The following CHEK1 variants were observed in gnomAD, a reference collection of about 807,000 sequenced individuals.
CHEK1 encodes serine/threonine-protein kinase Chk1.
In CHEK1, 32 loss-of-function variants were observed where a neutral mutation model predicts 60.2. The ratio of observed to expected loss-of-function variants is 0.53; its 90% confidence interval spans 0.40 to 0.71. The LOEUF (loss-of-function observed/expected upper bound fraction) is 0.71. Ranked by LOEUF, CHEK1 falls within the 30% of genes least tolerant of loss-of-function variation. CHEK1 has a pLI of 0.00. For missense variants in CHEK1, 399 were observed against 564.6 expected, an observed-to-expected ratio of 0.71 and a Z score of 2.97; for synonymous variants, 179 against 187.2, an observed-to-expected ratio of 0.96 and a Z score of 0.36.
In CHEK1 at chr11:125,633,208, A is replaced by G; in HGVS notation, c.470A>G (p.Tyr157Cys). 6.2e-7 allele frequency: 1 copy of G among 1,602,884 alleles called. No homozygotes were observed. Among genetic ancestry groups the G allele is most frequent in the South Asian group, 1.1e-5 (1 of 88,048 alleles). The change falls in exon 6 of 13, where the codon TAT (tyrosine) becomes TGT (cysteine). Residue 157 changes from tyrosine (Y) to cysteine (C), a missense_variant. Physicochemically the swap from Tyr to Cys is radical, Grantham distance 194 (BLOSUM62 -2). Around this residue, in one of 2 missense-constraint regions of CHEK1, gnomAD observed 370 missense variants for 494.8 expected, o/e 0.75. Coordinates refer to ENST00000438015, the MANE Select transcript of CHEK1 (RefSeq NM_001114122.3). ...SDFGLATVFR[Y>C]NNRERLLNKM... is the part of the protein sequence containing the mutation. ...TTTGGCTTGGCAACAGTATTTCGGT[A>G]TAATAATCGTGAGCGTTTGTTGAAC...
chr11:125,636,900 C>T (rs1941092632), intron 7 of CHEK1, among the ~76,000 whole-genome samples: 1 of 151,970 alleles, frequency 6.6e-6, no homozygotes, highest in Admixed American at 6.5e-5. Context: ...TAAAAGTTCC[C>T]TATGTTTTCA....
At chr11:125,677,821 C>A, downstream of CHEK1, 2 of 1,614,188 alleles carry the variant, frequency 1.2e-6, no homozygotes. Context: ...GAAATTGGTG[C>A]ACCTGAAGCC....
chr11:125,671,405 G>A (rs1942199989), intron 13 of CHEK1: 1 of 152,066 alleles, frequency 6.6e-6, no homozygotes, highest in South Asian at 2.1e-4. Flanking sequence ...TTATCTAGGG[G>A]TATGAGTATA....
At chr11:125,677,658 A>G, downstream of CHEK1, 2 of 1,188,100 alleles carry the variant, frequency 1.7e-6, no homozygotes, top group Non-Finnish European at 2.4e-6. Context: ...GACGAGAACT[A>G]GAGAGACTTT....
chr11:125,651,067 A>G (rs1415755038), intron 11 of CHEK1, among the ~76,000 whole-genome samples: 1 of 151,962 alleles, frequency 6.6e-6, no homozygotes, highest in African/African-American at 2.4e-5. Flanking sequence ...ATTCCCAGGT[A>G]TATGTTGGAC....
downstream of CHEK1, chr11:125,678,427 G>T (rs1005055100): frequency 4.7e-6 from 5 of 1,074,288 alleles, no homozygotes; most frequent in Non-Finnish European, 6.6e-6. Flanking sequence ...GGCACCTGAA[G>T]ACTGCAGATG....
downstream of CHEK1, among the ~76,000 whole-genome samples, chr11:125,679,188 G>A (rs1288634451): frequency 7.0e-6 from 1 of 143,660 alleles, no homozygotes; most frequent in Non-Finnish European, 1.5e-5. Context: ...TTTCTGGCCA[G>A]TCTCTTCTAC....
intron 8 of CHEK1, among the ~76,000 whole-genome samples, chr11:125,640,930 T>C (rs1270580772): frequency 6.6e-6 from 1 of 152,084 alleles, no homozygotes; most frequent in African/African-American, 2.4e-5. Context: ...TGCCCTGCCA[T>C]AGGTTTTAAA....
At position 125,626,714 on chromosome 11, in the gene CHEK1, ACT is replaced by A. The variant is rs778209583; in HGVS notation, c.-20-32_-20-31del. The stretch of plus-strand genomic sequence containing the variant: ...TCAGTGGCTTCACTGGTGATCTTAC[ACT>A]CTACATCTTTTCTGGATTCCTGCCT... On this transcript the variant is annotated intron_variant, in intron 1 of 12. Coordinates refer to ENST00000438015, the MANE Select transcript of CHEK1 (RefSeq NM_001114122.3). 16 of 1,601,140 alleles carry A rather than the reference ACT, an allele frequency of 1.0e-5. 1 individual carries two copies. The South Asian group carries it at 1.5e-4, about 15-fold the overall frequency.
downstream of CHEK1, among the ~76,000 whole-genome samples, chr11:125,660,635 G>A (rs1181466044): frequency 6.6e-6 from 1 of 151,740 alleles, no homozygotes; most frequent in African/African-American, 2.4e-5. Context: ...TTATTTAGAA[G>A]TAACTTCTTT....
At chr11:125,658,940 C>G (rs908569751), downstream of CHEK1, among the ~76,000 whole-genome samples, 1 of 152,098 alleles carries the variant, frequency 6.6e-6, no homozygotes, top group African/African-American at 2.4e-5. Context: ...CCTGCCTTGG[C>G]CTCCCAGAGT....
At chr11:125,648,846 C>T (rs1379986646) in intron 11 of CHEK1, among the ~76,000 whole-genome samples, 2 of 151,938 alleles carry the variant, frequency 1.3e-5, no homozygotes, top group Non-Finnish European at 2.9e-5. Context: ...CAAATGTTTT[C>T]TCCGTCTATT....
At chr11:125,681,069 A>C (rs956425516), downstream of CHEK1, 1 of 211,808 alleles carries the variant, frequency 4.7e-6, no homozygotes, top group African/African-American at 2.3e-5. This position sits in a 1 kb window ranked among gnomAD's most constrained non-coding sequence, Gnocchi z 4.2. Flanking sequence ...TCTTTAAAAA[A>C]AAAAAAAAAG....
chr11:125,666,986 G>GTT (rs34905634), intron 13 of CHEK1, among the ~76,000 whole-genome samples: 155 of 141,960 alleles, frequency 1.1e-3, no homozygotes, highest in Middle Eastern at 3.8e-3. Context: ...GTTTTTCGGT[G>GTT]TTTTTTTTTT....
chr11:125,647,635 A>C (rs995049414), intron 11 of CHEK1, among the ~76,000 whole-genome samples: 4 of 152,158 alleles, frequency 2.6e-5, no homozygotes, highest in African/African-American at 9.7e-5. Flanking sequence ...TCTTTATTCA[A>C]GGTGCTTGGG....
intron 11 of CHEK1, among the ~76,000 whole-genome samples, chr11:125,650,614 G>A (rs1201611062): frequency 6.6e-6 from 1 of 151,926 alleles, no homozygotes; most frequent in African/African-American, 2.4e-5. Context: ...CTGCCACTGT[G>A]CCTGGCTTTT....
At chr11:125,640,421 G>A (rs1941245587) in intron 8 of CHEK1, among the ~76,000 whole-genome samples, 1 of 151,540 alleles carries the variant, frequency 6.6e-6, no homozygotes, top group African/African-American at 2.4e-5. Context: ...GTCGCCTGTA[G>A]TCCCAGCTAC....
In CHEK1 at chr11:125,625,770, G is replaced by T; in HGVS notation, c.-263G>T. On this transcript the variant is annotated 5_prime_UTR_variant, in exon 1 of 13. Transcript: ENST00000438015. ...AGCTCAATTCGCGCCGATGCGGTCC[G>T]CCGTCCTTAAATCTCTTCAGCCAGG... 2.9e-6 allele frequency: 2 copies of T among 688,006 alleles called. No individual in the cohort carries two copies. The highest frequency in any genetic ancestry group is 5.4e-6 in the Non-Finnish European group (2 of 373,260). 42.6% of individuals were successfully genotyped at this position (688,006 alleles called of 1,614,324 possible).
At chr11:125,626,223 CT>C (rs1357564712) in intron 1 of CHEK1, 1 of 580,756 alleles carries the variant, frequency 1.7e-6, no homozygotes, top group Non-Finnish European at 3.1e-6. Flanking sequence ...TAACCCGCTG[CT>C]AGCTAAGAAC....
Sources: allele counts gnomAD v4.1 joint callset (sites outside exome capture counted in the v4.1 genomes callset), GRCh38; gene constraint gnomAD v4.1.1; regional missense constraint gnomAD v4.1.1; non-coding constraint Gnocchi (gnomAD v3.1); transcripts MANE v1.5; gene names NCBI Gene and HGNC (gene_info 2026-07-23, HGNC 2026-07-21).